LTBR: variants seen among roughly 807,000 people sequenced by gnomAD.
The protein encoded by LTBR is tumor necrosis factor receptor superfamily member 3.
Under a neutral mutation model 45.4 loss-of-function variants are expected in LTBR, and 15 were observed. That is an observed-to-expected ratio of 0.33 (90% confidence interval 0.22 to 0.51). LTBR has a LOEUF of 0.51. Ranked by LOEUF, LTBR falls within the 20% of genes least tolerant of loss-of-function variation. The pLI is 0.97. For missense variants in LTBR, 450 were observed against 565.5 expected, an observed-to-expected ratio of 0.80 and a Z score of 2.07; for synonymous variants, 228 against 231.0, an observed-to-expected ratio of 0.99 and a Z score of 0.12.
Position 6,379,124 on chromosome 12 carries a change from T to A in LTBR, c.39+3530T>A, listed in dbSNP as rs535134495. On this transcript the variant is annotated intron_variant, in intron 1 of 9. Transcript: ENST00000539925. ...TTATTATTATTTACTATTATCCTGA[T>A]GTATGTGTGTTTGTACGTATACATC... Among the ~76,000 whole-genome samples, 133 of 152,324 alleles carry A rather than the reference T, an allele frequency of 8.7e-4. 1 individual carries two copies. In the Middle Eastern group the frequency reaches 0.01, roughly 12 times the overall value.
upstream of LTBR, chr12:6,384,065 A>C (rs928647326): frequency 8.3e-7 from 1 of 1,210,884 alleles, no homozygotes; most frequent in Non-Finnish European, 1.0e-6. Context: ...CCCCGCATCG[A>C]GGCAGACAAG....
chr12:6,375,202 C>A (rs1948882461), upstream of LTBR: 2 of 1,445,906 alleles, frequency 1.4e-6, no homozygotes, highest in Admixed American at 5.4e-5. Flanking sequence ...GCCTCTCACT[C>A]CCTCTCTATC....
upstream of LTBR, among the ~76,000 whole-genome samples, chr12:6,380,397 C>T (rs1055672821): frequency 1.3e-5 from 2 of 152,092 alleles, no homozygotes; most frequent in African/African-American, 2.4e-5. Context: ...GAATCCATTC[C>T]TGGCCGGGTA....
intron 2 of LTBR, 94 bp downstream of exon 2, chr12:6,384,778 C>A: frequency 1.6e-6 from 2 of 1,274,328 alleles, no homozygotes; most frequent in South Asian, 1.2e-5. Context: ...GGGCACTGTC[C>A]CCCAGGAAAA....
upstream of LTBR, among the ~76,000 whole-genome samples, chr12:6,382,733 G>T (rs1046101977): frequency 6.6e-5 from 10 of 152,176 alleles, no homozygotes; most frequent in Admixed American, 6.5e-4. Context: ...CCCATCACCT[G>T]CACCTGTCCA....
At position 6,391,241 on chromosome 12, in the gene LTBR, G is replaced by A. The variant is rs911332023; in HGVS notation, c.*304G>A. On this transcript the variant is annotated 3_prime_UTR_variant, in exon 10 of 10. Transcript: ENST00000228918. ...CAACTGCTGCCCACTACGGCACGCC[G>A]CACCGGAGCACGGCACCGAGGGAGC... 9 of 276,654 alleles carry A rather than the reference G, an allele frequency of 3.3e-5. No individual in the cohort carries two copies. Among genetic ancestry groups the A allele is most frequent in the African/African-American group, 1.5e-4 (7 of 45,818 alleles). 17.1% of individuals were successfully genotyped at this position (276,654 alleles called of 1,614,324 possible).
chr12:6,385,218 C>G lies in LTBR; in HGVS notation c.320-9C>G, dbSNP rs1229861134. 1 of 1,614,150 alleles carries G rather than the reference C, an allele frequency of 6.2e-7. No homozygotes were observed. Among genetic ancestry groups the G allele is most frequent in the Non-Finnish European group, 8.5e-7 (1 of 1,180,042 alleles). On this transcript the variant is annotated splice_polypyrimidine_tract_variant and intron_variant, in intron 3 of 9. Transcript: ENST00000228918. ...GGCCCCTCCCTGAGCCCTCCCGTCT[C>G]CCCGCCAGTGATGGGCCTCGAGGAG...
At chr12:6,389,981 AAGAG>A (rs969223155) in intron 8 of LTBR, 127 bp from the exon 9 acceptor site, 39 of 626,974 alleles carry the variant, frequency 6.2e-5, no homozygotes, top group South Asian at 7.9e-5. Context: ...GAGAGAGAGA[AAGAG>A]AGAGAGAGAG....
At chr12:6,384,557 C>T (rs772957013) in intron 1 of LTBR, 31 bp from the exon 2 acceptor site, 99 of 1,610,718 alleles carry the variant, frequency 6.1e-5, no homozygotes, top group Non-Finnish European at 8.3e-5. Flanking sequence ...CTGACTAATT[C>T]TTCTCTCCTC....
chr12:6,390,589 C>A (rs1318957108), intron 9 of LTBR, 71 bp from the exon 10 acceptor site: 3 of 1,444,426 alleles, frequency 2.1e-6, no homozygotes, highest in Non-Finnish European at 2.8e-6. Flanking sequence ...GAGAAGAAGG[C>A]AAGAATTCAA....
chr12:6,375,509 C>G lies in LTBR; in HGVS notation c.-47C>G, dbSNP rs72645135. On this transcript the variant is annotated 5_prime_UTR_variant, in exon 1 of 10. Transcript: ENST00000539925. ...CAAACCTCTCCTCCCCCTCACCTGA[C>G]AGGTGCAGCGGCCTGGCTGGGGAGC... The G allele has an allele frequency of 1.7e-4, 260 of 1,535,408 alleles. No individual in the cohort carries two copies. Among genetic ancestry groups the G allele is most frequent in the Non-Finnish European group, 2.0e-4 (235 of 1,146,832 alleles).
Position 6,386,051 on chromosome 12 carries a change from C to T in LTBR, c.473-15C>T, listed in dbSNP as rs752392667. On this transcript the variant is annotated splice_polypyrimidine_tract_variant and intron_variant, in intron 4 of 9. Transcript: ENST00000228918. This position sits in a 1 kb window ranked among gnomAD's most constrained non-coding sequence, Gnocchi z 4.1. ...TTGCCCATTCACCCTGGCTGGCCTG[C>T]CTTTCTCTTGCCAGATGAAGTTGGG... 1 of 1,601,580 alleles carries T rather than the reference C, an allele frequency of 6.2e-7. No homozygotes were observed. The highest frequency in any genetic ancestry group is 1.1e-5 in the South Asian group (1 of 90,790).
At chr12:6,390,440 G>A (rs1470741754) in intron 9 of LTBR, 100 bp downstream of exon 9, 1 of 1,119,660 alleles carries the variant, frequency 8.9e-7, no homozygotes, top group Non-Finnish European at 1.3e-6. Flanking sequence ...CAAAACAGAG[G>A]CAGACAGAGA....
Position 6,386,652 on chromosome 12 carries a change from T to C in LTBR, c.667+208T>C, listed in dbSNP as rs1949053475. 1 of 555,052 alleles carries C rather than the reference T, an allele frequency of 1.8e-6. No individual in the cohort carries two copies. Among genetic ancestry groups the C allele is most frequent in the Non-Finnish European group, 3.2e-6 (1 of 310,778 alleles). The allele number at this position is 555,052 out of a possible 1,614,324, so 34.4% of individuals were successfully genotyped here. A position where few individuals can be genotyped will look rare whatever the true frequency, so the allele number is the denominator to read the frequency against. On this transcript the variant is annotated intron_variant, in intron 6 of 9. Coordinates refer to ENST00000228918, the MANE Select transcript of LTBR (RefSeq NM_002342.3). This position sits in a 1 kb window ranked among gnomAD's most constrained non-coding sequence, Gnocchi z 4.1. ...ACACACACACTTTTAAAATTATATATACTGTAATACTATGTCAAGGAACAC... is the reference window on the plus strand; with the variant it reads ...ACACACACACTTTTAAAATTATATACACTGTAATACTATGTCAAGGAACAC...
intron 4 of LTBR, 182 bp from the exon 5 acceptor site, chr12:6,385,884 G>C (rs939868755): frequency 1.0e-5 from 5 of 480,316 alleles, no homozygotes; most frequent in Non-Finnish European, 1.1e-5. Flanking sequence ...CAGCCTGGGC[G>C]ACAGAGCAAG....
Position 6,390,242 on chromosome 12 carries a change from C to T in LTBR, c.932C>T (p.Ala311Val), listed in dbSNP as rs144755581. The part of the protein sequence containing the change: ...VSPVSTGLPA[A>V]PVLEAGVPQQ... ...CCAGTATCCACTGGGCTCCCCGCAG[C>T]CCCAGTTTTGGAGGCAGGGGTGCCG... Residue 311 changes from alanine to valine, a missense_variant, in exon 9 of 10, where the codon GCC (alanine) becomes GTC (valine). Physicochemically the swap from Ala to Val is moderately conservative, Grantham distance 64. This residue lies in a region of LTBR where 367 missense variants were observed against 435.4 expected (regional missense o/e 0.84). Coordinates refer to ENST00000228918, the MANE Select transcript of LTBR (RefSeq NM_002342.3). 466 of 1,614,064 alleles carry T rather than the reference C, an allele frequency of 2.9e-4. 3 individuals carry two copies. The African/African-American group carries it at 5.4e-3, about 19-fold the overall frequency.
At chr12:6,384,868 C>T in intron 2 of LTBR, 154 bp from the exon 3 acceptor site, 1 of 1,110,768 alleles carries the variant, frequency 9.0e-7, no homozygotes, top group Non-Finnish European at 1.3e-6. Flanking sequence ...TGGGCCTCCT[C>T]TTTCCTTACC....
intron 2 of LTBR, 90 bp from the exon 3 acceptor site, chr12:6,384,932 C>CCGAGGG: frequency 6.5e-7 from 1 of 1,542,420 alleles, no homozygotes; most frequent in Non-Finnish European, 8.9e-7. Flanking sequence ...GCCAGAGAGA[C>CCGAGGG]CGAGGGAAAG....
In LTBR at chr12:6,388,804, G is replaced by A. The variant is rs775357973; in HGVS notation, c.780G>A (p.Ser260=). Residue 260 remains serine, a synonymous_variant, in exon 8 of 10, where the codon TCG becomes TCA. Coordinates refer to ENST00000228918, the MANE Select transcript of LTBR (RefSeq NM_002342.3). The surrounding 1 kb of genome is among the most constrained non-coding windows in gnomAD (Gnocchi z 4.3). The stretch of plus-strand genomic sequence containing the variant: ...CCATTTCATTCTCCATTGCAGGATC[G>A]CTGCTCAAGAGGCGTCCGCAGGTAA... ...SHPSLCRKLG[S]LLKRRPQGEG... is the part of the protein sequence containing the mutation. 8.1e-6 allele frequency: 13 copies of A among 1,613,988 alleles called. No individual in the cohort carries two copies. The highest frequency in any genetic ancestry group is 1.1e-5 in the Non-Finnish European group (13 of 1,180,004).
Sources: gnomAD v4.1 joint callset for allele counts (sites outside exome capture counted in the v4.1 genomes callset) on GRCh38, gnomAD v4.1.1 for gene constraint, gnomAD v4.1.1 regional missense constraint, Gnocchi (gnomAD v3.1) non-coding constraint, MANE v1.5 for transcripts, NCBI Gene and HGNC (gene_info 2026-07-23, HGNC 2026-07-21) for gene names.